ARL15: variants seen among roughly 807,000 people sequenced by gnomAD.
The protein encoded by ARL15 is ARF like GTPase 15.
In ARL15, 19 loss-of-function variants were observed where a neutral mutation model predicts 25.2. That is an observed-to-expected ratio of 0.75 (90% CI 0.53 to 1.10). The LOEUF is 1.10. Ranked by LOEUF, ARL15 falls within the 50% of genes least tolerant of loss-of-function variation. ARL15 has a pLI of 0.00. For synonymous variants in ARL15, 94 were observed against 86.8 expected (o/e 1.08, Z -0.46); for missense variants, 220 against 246.0 (o/e 0.89, Z 0.71).
chr5:54,058,164 C>A (rs576620447), intron 4 of ARL15, among the ~76,000 whole-genome samples: 73 of 152,088 alleles, frequency 4.8e-4, no homozygotes, highest in Non-Finnish European at 4.4e-5. Context: ...TGCCACCATG[C>A]TCAGTTAATT....
intron 4 of ARL15, among the ~76,000 whole-genome samples, chr5:53,986,752 G>C (rs1748312286): frequency 6.6e-6 from 1 of 152,178 alleles, no homozygotes; most frequent in Non-Finnish European, 1.5e-5. Flanking sequence ...AAATTATTAG[G>C]CATCTGCTAT....
chr5:54,206,336 G>C (rs1755867760), intron 1 of ARL15, among the ~76,000 whole-genome samples: 1 of 152,136 alleles, frequency 6.6e-6, no homozygotes, highest in African/African-American at 2.4e-5. Context: ...GATATTTATA[G>C]TGAACAAGGA....
intron 3 of ARL15, among the ~76,000 whole-genome samples, chr5:54,135,604 T>C (rs1753577869): frequency 6.6e-6 from 1 of 152,192 alleles, no homozygotes; most frequent in Admixed American, 6.5e-5. Context: ...AGTTGCATTT[T>C]AGTAAATTAT....
At chr5:54,122,482 C>T (rs904733581) in intron 3 of ARL15, among the ~76,000 whole-genome samples, 2 of 152,238 alleles carry the variant, frequency 1.3e-5, no homozygotes, top group African/African-American at 4.8e-5. Context: ...ATGTTACCTA[C>T]AAGGCTGACA....
chr5:53,950,699 T>C (rs967023490), intron 4 of ARL15, among the ~76,000 whole-genome samples: 2 of 152,168 alleles, frequency 1.3e-5, no homozygotes, highest in African/African-American at 2.4e-5. Flanking sequence ...GCAAAGTTCA[T>C]GTAAACCAGT....
intron 4 of ARL15, among the ~76,000 whole-genome samples, chr5:53,959,480 A>G (rs1219079467): frequency 6.6e-6 from 1 of 152,198 alleles, no homozygotes; most frequent in East Asian, 1.9e-4. Context: ...ATCTATATTA[A>G]GAAACGAAGA....
At chr5:54,044,397 C>T (rs766285218) in intron 4 of ARL15, among the ~76,000 whole-genome samples, 15 of 152,036 alleles carry the variant, frequency 9.9e-5, no homozygotes, top group Non-Finnish European at 1.6e-4. Context: ...GCTCTCACCA[C>T]CACGCCTGGC....
chr5:54,077,707 T>C (rs575512604), intron 4 of ARL15, among the ~76,000 whole-genome samples: 3 of 152,338 alleles, frequency 2.0e-5, no homozygotes, highest in African/African-American at 7.2e-5. Context: ...GTAAGTCGCG[T>C]CAGTCTCTTT....
chr5:54,113,234 G>A lies in ARL15; in HGVS notation c.430C>T (p.Gln144Ter), dbSNP rs77393256. The A allele has an allele frequency of 6.2e-7, 1 of 1,613,748 alleles. No homozygotes were observed. Among genetic ancestry groups the A allele is most frequent in the South Asian group, 1.1e-5 (1 of 91,074 alleles). ...TLPFLILANH[Q>*]DKPAARSVQE... is the part of the protein sequence containing the mutation. ...ACTGAGCGAGCTGCTGGCTTGTCTT[G>A]ATGATTGGCCAATATTAAAAAGGGT... The change falls in exon 4 of 5, where the codon CAA (glutamine) becomes TAA (stop). Residue 144 changes from glutamine (Q) to a stop codon, truncating the protein, a stop_gained. Coordinates refer to ENST00000504924, the MANE Select transcript of ARL15 (RefSeq NM_019087.3). LOFTEE classifies it high-confidence loss of function.
intron 4 of ARL15, among the ~76,000 whole-genome samples, chr5:54,032,266 C>T (rs1373300962): frequency 6.6e-6 from 1 of 151,778 alleles, no homozygotes. Context: ...CAGAGTCTCA[C>T]TCTGTCGCCC....
chr5:53,894,270 C>CTA (rs779865885), intron 4 of ARL15, among the ~76,000 whole-genome samples: 1 of 152,180 alleles, frequency 6.6e-6, no homozygotes, highest in South Asian at 2.1e-4. Context: ...CTTGCTCTTA[C>CTA]TATAAGTCAT....
intron 3 of ARL15, among the ~76,000 whole-genome samples, chr5:54,145,724 G>A (rs1392895792): frequency 6.6e-6 from 1 of 152,152 alleles, no homozygotes; most frequent in African/African-American, 2.4e-5. Context: ...ATTCACTGAA[G>A]TGAATTAAAT....
chr5:54,099,142 C>A (rs34800969), intron 4 of ARL15, among the ~76,000 whole-genome samples: 2,013 of 152,244 alleles, frequency 0.013, 35 homozygotes, highest in Middle Eastern at 0.044. Context: ...AATCATCTCC[C>A]TCATTTCTTC....
At chr5:53,939,912 AAACAACAAC>A (rs149253791) in intron 4 of ARL15, among the ~76,000 whole-genome samples, 1 of 150,488 alleles carries the variant, frequency 6.6e-6, no homozygotes, top group African/African-American at 2.5e-5. Flanking sequence ...TATCCAGAAA[AAACAACAAC>A]AACAACAACA....
chr5:54,085,590 T>G (rs1412884267), intron 4 of ARL15, among the ~76,000 whole-genome samples: 1 of 152,208 alleles, frequency 6.6e-6, no homozygotes, highest in Non-Finnish European at 1.5e-5. Flanking sequence ...AATATTTTTA[T>G]TAGTATTGGT....
intron 4 of ARL15, among the ~76,000 whole-genome samples, chr5:53,987,506 C>A (rs761102940): frequency 6.6e-6 from 1 of 150,560 alleles, no homozygotes; most frequent in Non-Finnish European, 1.5e-5. Context: ...CCAACTCACA[C>A]ATTCTGAATT....
chr5:54,266,285 T>C (rs1392754831), intron 1 of ARL15, among the ~76,000 whole-genome samples: 2 of 152,196 alleles, frequency 1.3e-5, no homozygotes, highest in African/African-American at 4.8e-5. Context: ...CCTCTCCCCG[T>C]GGCTGTACAT....
At chr5:54,033,312 C>CA (rs915690044) in intron 4 of ARL15, among the ~76,000 whole-genome samples, 4 of 150,310 alleles carry the variant, frequency 2.7e-5, no homozygotes, top group Admixed American at 1.3e-4. Context: ...GACTCCGTCT[C>CA]AAAAAAAAGA....
chr5:54,286,900 A>C (rs1159521111), intron 1 of ARL15, among the ~76,000 whole-genome samples: 1 of 142,878 alleles, frequency 7.0e-6, no homozygotes, highest in East Asian at 2.1e-4. Context: ...ACAGGGTCTT[A>C]CTGTGTCACT....
Sources: gnomAD v4.1 joint callset for allele counts (sites outside exome capture counted in the v4.1 genomes callset) on GRCh38, gnomAD v4.1.1 for gene constraint, MANE v1.5 for transcripts, NCBI Gene and HGNC (gene_info 2026-07-23, HGNC 2026-07-21) for gene names.